SIGLEC12: variants seen among roughly 807,000 people sequenced by gnomAD.
SIGLEC12 encodes the protein sialic acid binding Ig like lectin 12.
In SIGLEC12, 43 loss-of-function variants were observed where a neutral mutation model predicts 54.1. That is an observed-to-expected ratio of 0.80 (90% CI 0.62 to 1.03). SIGLEC12 has a LOEUF of 1.03. Among genes scored for constraint, SIGLEC12 ranks in the 50% least tolerant of loss-of-function variants. The pLI is 0.00. For synonymous variants in SIGLEC12, 357 were observed against 307.6 expected, an observed-to-expected ratio of 1.16 and a Z score of -1.68; for missense variants, 802 against 735.2, an observed-to-expected ratio of 1.09 and a Z score of -1.05.
In SIGLEC12 at chr19:51,499,772, C is replaced by T. The variant is rs1020904539; in HGVS notation, c.809-56G>A. Reference sequence around the variant, plus strand: ...GGGTGTTGGGGTCTGAAGTGTGGTGCTGAGGAGGCTCAGGCTCTGGTCTTA... The same window carrying T: ...GGGTGTTGGGGTCTGAAGTGTGGTGTTGAGGAGGCTCAGGCTCTGGTCTTA... On this transcript the variant is annotated intron_variant, in intron 2 of 7. Coordinates refer to ENST00000291707, the MANE Select transcript of SIGLEC12 (RefSeq NM_053003.4). 30 of 1,593,828 alleles carry T rather than the reference C, an allele frequency of 1.9e-5. No homozygotes were observed. The African/African-American group carries it at 3.4e-4, about 18-fold the overall frequency.
intron 5 of SIGLEC12, 95 bp downstream of exon 5, chr19:51,497,923 T>A: frequency 6.5e-7 from 1 of 1,534,960 alleles, no homozygotes; most frequent in Non-Finnish European, 8.8e-7. Flanking sequence ...AAGAGGACTG[T>A]GATGCTGTGG....
chr19:51,493,435 C>T (rs1038097567), intron 7 of SIGLEC12, among the ~76,000 whole-genome samples: 1 of 152,190 alleles, frequency 6.6e-6, no homozygotes, highest in African/African-American at 2.4e-5. Flanking sequence ...CAAATTTACA[C>T]CCAGCCCTCT....
chr19:51,496,837 G>A lies in SIGLEC12; in HGVS notation c.1599+43C>T, dbSNP rs761347443. The A allele has an allele frequency of 1.9e-6, 3 of 1,603,854 alleles. No homozygotes were observed. The East Asian group carries it at 6.7e-5, about 36-fold the overall frequency. ...GTAATCCCCTTCCATGCCTGGCCTG[G>A]GAGAAAGCAGGGGAGAAGGGCTGTG... On this transcript the variant is annotated intron_variant, in intron 7 of 7. Transcript: ENST00000291707.
Position 51,501,634 on chromosome 19 carries a change from C to A in SIGLEC12, c.100G>T (p.Val34Leu). The change falls in exon 1 of 8, where the codon GTG becomes TTG. Residue 34 changes from valine (V) to leucine (L), a missense_variant. Coordinates refer to ENST00000291707, the MANE Select transcript of SIGLEC12 (RefSeq NM_053003.4). ...ACAGAGACACACAGGCCCTCCTGCA[C>A]CGTCACGGACTTCTGCATTGTCAGC... ...YLLTMQKSVT[V>L]QEGLCVSVLC... is the part of the protein sequence containing the mutation. 1 of 1,614,190 alleles carries A rather than the reference C, an allele frequency of 6.2e-7. No individual in the cohort carries two copies. The highest frequency in any genetic ancestry group is 8.5e-7 in the Non-Finnish European group (1 of 1,180,026).
At chr19:51,495,037 A>T (rs765691861) in intron 7 of SIGLEC12, among the ~76,000 whole-genome samples, 5 of 152,132 alleles carry the variant, frequency 3.3e-5, no homozygotes, top group Non-Finnish European at 5.9e-5. Context: ...TGCAAGATAA[A>T]AGGGTTCTAG....
chr19:51,499,649 G>T lies in SIGLEC12; in HGVS notation c.876C>A (p.Thr292=). The T allele has an allele frequency of 1.4e-5, 23 of 1,614,090 alleles. No individual in the cohort carries two copies. Among genetic ancestry groups the T allele is most frequent in the Non-Finnish European group, 1.9e-5 (23 of 1,180,000 alleles). Reference sequence around the variant, plus strand: ...GTTCACAGGCCCAGGGCACAGAGCAGGTCAGGTTCCTGGGGTGGCCAGACT... The same window carrying T: ...GTTCACAGGCCCAGGGCACAGAGCATGTCAGGTTCCTGGGGTGGCCAGACT... ...TLESGHPRNL[T]CSVPWACEQG... The change falls in exon 3 of 8, where the codon ACC becomes ACA. Residue 292 remains threonine, a synonymous_variant. Transcript: ENST00000291707.
intron 7 of SIGLEC12, among the ~76,000 whole-genome samples, chr19:51,495,482 C>T (rs553769460): frequency 5.0e-4 from 74 of 148,928 alleles, no homozygotes; most frequent in Non-Finnish European, 7.9e-4. Context: ...GATGGACGGA[C>T]GGACAGACGG....
rs1399460575 is a variant in SIGLEC12 at position 51,495,217 on chromosome 19, G to GTGGA, written c.1599+1659_1599+1662dup. Reference sequence around the variant, plus strand: ...GATGGATGGACGGACGGGTGGGTGGGTGGATGGATGGATGGATGGATGGAT... The same window carrying GTGGA: ...GATGGATGGACGGACGGGTGGGTGGGTGGATGGATGGATGGATGGATGGATGGAT... On this transcript the variant is annotated intron_variant, in intron 7 of 7. Transcript: ENST00000291707. Among the ~76,000 whole-genome samples the GTGGA allele has an allele frequency of 8.5e-3, 673 of 78,838 alleles. 33 individuals carry two copies. Among genetic ancestry groups the GTGGA allele is most frequent in the African/African-American group, 0.017 (364 of 21,092 alleles). The allele number at this position is 78,838 out of a possible 152,430, so 51.7% of individuals were successfully genotyped here.
In SIGLEC12 at chr19:51,500,237, C is replaced by A. The variant is rs757255714; in HGVS notation, c.491G>T (p.Gly164Val). The A allele has an allele frequency of 1.9e-6, 3 of 1,614,180 alleles. No individual in the cohort carries two copies. The highest frequency in any genetic ancestry group is 2.5e-6 in the Non-Finnish European group (3 of 1,180,020). Residue 164 changes from glycine to valine, a missense_variant, in exon 2 of 8, where the codon GGT (glycine) becomes GTT (valine). Transcript: ENST00000291707. ...ACTGCAGGGCACAGAGACACACAGA[C>A]CCTCCTGCACAGTCACCGACTCTGG... The part of the protein sequence containing the change: ...EVPESVTVQE[G>V]LCVSVPCSVL...
intron 4 of SIGLEC12, 47 bp from the exon 5 acceptor site, chr19:51,498,334 G>A (rs761184176): frequency 6.6e-7 from 1 of 1,506,392 alleles, no homozygotes; most frequent in Non-Finnish European, 9.0e-7. Context: ...AGTGATCGAG[G>A]CAGGGAGGAA....
chr19:51,495,547 G>C (rs555791712), intron 7 of SIGLEC12, among the ~76,000 whole-genome samples: 1 of 152,202 alleles, frequency 6.6e-6, no homozygotes, highest in Non-Finnish European at 1.5e-5. Context: ...AAACCCACAA[G>C]CCTTCTCCTT....
At chr19:51,496,314 CA>C (rs1990238983) in intron 7 of SIGLEC12, among the ~76,000 whole-genome samples, 1 of 151,932 alleles carries the variant, frequency 6.6e-6, no homozygotes, top group Non-Finnish European at 1.5e-5. Flanking sequence ...ACTAAAAATA[CA>C]AAATTAGCCG....
At position 51,501,403 on chromosome 19, in the gene SIGLEC12, T is replaced by A. The variant is rs1990391566; in HGVS notation, c.331A>T (p.Thr111Ser). 1 of 1,614,228 alleles carries A rather than the reference T, an allele frequency of 6.2e-7. No homozygotes were observed. Among genetic ancestry groups the A allele is most frequent in the Middle Eastern group, 1.6e-4 (1 of 6,062 alleles). ...NKDCTLSIRD[T>S]RESDAGTYVF... is the part of the protein sequence containing the mutation. ...TATGTCCCTGCATCACTCTCTCTGG[T>A]GTCTCTGATGCTCAGGGTACAATCC... Residue 111 changes from threonine to serine, a missense_variant, in exon 1 of 8, where the codon ACC (threonine) becomes TCC (serine). Transcript: ENST00000291707.
chr19:51,501,624 C>T lies in SIGLEC12; in HGVS notation c.110G>A (p.Gly37Asp), dbSNP rs148809065. The T allele has an allele frequency of 0.016, 25,374 of 1,614,132 alleles. 249 individuals carry two copies. Among genetic ancestry groups the T allele is most frequent in the Middle Eastern group, 0.024 (146 of 6,062 alleles). ...TMQKSVTVQEGLCVSVLCSFS... is the reference protein window; with the variant it reads ...TMQKSVTVQEDLCVSVLCSFS... ...GGAGCAAAGCACAGAGACACACAGG[C>T]CCTCCTGCACCGTCACGGACTTCTG... The change falls in exon 1 of 8, where the codon GGC (glycine) becomes GAC (aspartate). Residue 37 changes from glycine (G) to aspartate (D), a missense_variant. Coordinates refer to ENST00000291707, the MANE Select transcript of SIGLEC12 (RefSeq NM_053003.4).
chr19:51,495,562 C>T (rs1472033294), intron 7 of SIGLEC12, among the ~76,000 whole-genome samples: 1 of 152,212 alleles, frequency 6.6e-6, no homozygotes, highest in Non-Finnish European at 1.5e-5. Context: ...CTCCTTGGAA[C>T]TTCCTATTTC....
At position 51,498,120 on chromosome 19, in the gene SIGLEC12, G is replaced by A. The variant is rs1311306453; in HGVS notation, c.1303C>T (p.Arg435Ter). ...SSNLGVLELPRVHVKDEGEFT... is the reference protein window; with the variant it reads ...SSNLGVLELP ...TCCCCTTCATCCTTCACATGCACTC[G>A]AGGCAGCTCCAGCACCCCAAGGTTC... The change falls in exon 5 of 8, where the codon CGA becomes TGA. Residue 435 changes from arginine (R) to a stop codon, truncating the protein, a stop_gained. Transcript: ENST00000291707. LOFTEE classifies it high-confidence loss of function. 2.8e-5 allele frequency: 45 copies of A among 1,614,248 alleles called. No homozygotes were observed. Among genetic ancestry groups the A allele is most frequent in the Non-Finnish European group, 3.7e-5 (44 of 1,180,052 alleles).
intron 2 of SIGLEC12, 47 bp downstream of exon 2, chr19:51,499,873 G>C: frequency 1.3e-6 from 2 of 1,567,318 alleles, no homozygotes; most frequent in South Asian, 1.2e-5. Flanking sequence ...CCTACCCTGC[G>C]GCCCTCGGGC....
chr19:51,493,412 A>G (rs58800302), intron 7 of SIGLEC12, among the ~76,000 whole-genome samples: 42,723 of 152,004 alleles, frequency 0.28, 6,142 homozygotes, highest in Middle Eastern at 0.43. Flanking sequence ...GCCATCAATA[A>G]ACTGACGACT....
chr19:51,493,559 G>A (rs1599949846), intron 7 of SIGLEC12, among the ~76,000 whole-genome samples: 1 of 151,986 alleles, frequency 6.6e-6, no homozygotes, highest in South Asian at 2.1e-4. Flanking sequence ...TTTTCCCCCA[G>A]ATCTCTTTTT....
Sources: gnomAD v4.1 joint callset for allele counts (sites outside exome capture counted in the v4.1 genomes callset) on GRCh38, gnomAD v4.1.1 for gene constraint, MANE v1.5 for transcripts, NCBI Gene and HGNC (gene_info 2026-07-23, HGNC 2026-07-21) for gene names.